Variants in STRIP1 observed in about 807,000 individuals in gnomAD.
The protein encoded by STRIP1 is striatin interacting protein 1.
In STRIP1, 63 loss-of-function variants were observed where a neutral mutation model predicts 106.2. The observed-to-expected ratio is 0.59, with a 90% CI of 0.48 to 0.73. The LOEUF is 0.73. STRIP1 is among the 30% of genes least tolerant of loss of function. The pLI, the probability that STRIP1 is intolerant of heterozygous loss-of-function variation, is 0.00. For synonymous variants in STRIP1, 390 were observed against 413.0 expected (o/e 0.94, Z 0.67); for missense variants, 857 against 1,074.8 (o/e 0.80, Z 2.83).
At chr1:110,034,947 A>C in intron 1 of STRIP1, 130 bp downstream of exon 1, 1 of 912,462 alleles carries the variant, frequency 1.1e-6, no homozygotes, top group Non-Finnish European at 1.5e-6. Flanking sequence ...AACTGTCACT[A>C]TACAGCGAAA....
At chr1:110,041,675 G>T (rs758259100) in intron 7 of STRIP1, 33 bp downstream of exon 7, 1 of 1,614,018 alleles carries the variant, frequency 6.2e-7, no homozygotes, top group East Asian at 2.2e-5. Context: ...TAGAGGCCCT[G>T]CCTGGAAGCT....
intron 18 of STRIP1, 125 bp downstream of exon 18, chr1:110,050,534 G>A (rs934234929): frequency 3.4e-6 from 3 of 884,994 alleles, no homozygotes; most frequent in African/African-American, 3.3e-5. Context: ...GGAGTGCCCG[G>A]CTTTTAAAGC....
At chr1:110,046,541 G>T in intron 12 of STRIP1, 139 bp from the exon 13 acceptor site, 1 of 714,552 alleles carries the variant, frequency 1.4e-6, no homozygotes, top group Non-Finnish European at 2.5e-6. Flanking sequence ...TGGGATTTTA[G>T]CTAGGGATTT....
At position 110,049,757 on chromosome 1, in the gene STRIP1, C is replaced by T. The variant is rs181512682; in HGVS notation, c.1889+197C>T. ...CAAATCTGAGTCTAGCTAGTCCTGC[C>T]CCAGGTGACTTGGTCTGTGCCTGGG... On this transcript the variant is annotated intron_variant, in intron 17 of 20. Transcript: ENST00000369795. 6.5e-4 allele frequency: 362 copies of T among 557,326 alleles called. 4 individuals are homozygous for T. The East Asian group carries it at 0.011, about 17-fold the overall frequency. 34.5% of individuals were successfully genotyped at this position (557,326 alleles called of 1,614,324 possible).
At chr1:110,049,259 C>T in intron 16 of STRIP1, 21 bp downstream of exon 16, 1 of 1,613,956 alleles carries the variant, frequency 6.2e-7, no homozygotes, top group South Asian at 1.1e-5. Context: ...GGCTTTCCCT[C>T]CTGTCCTGTG....
chr1:110,046,597 ATG>A (rs1570923995), intron 12 of STRIP1, 81 bp from the exon 13 acceptor site: 17 of 1,222,328 alleles, frequency 1.4e-5, no homozygotes, highest in Non-Finnish European at 2.1e-5. Flanking sequence ...TTGAAGACAA[ATG>A]TGTGGGGATT....
chr1:110,041,660 C>T lies in STRIP1; in HGVS notation c.757+18C>T, dbSNP rs1652767295. 6.2e-7 allele frequency: 1 copy of T among 1,614,164 alleles called. No individual in the cohort carries two copies. ...CGAGCTGGGTAGGACCCTGGGGATC[C>T]TCTCTAGAGGCCCTGCCTGGAAGCT... On this transcript the variant is annotated intron_variant, in intron 7 of 20. Transcript: ENST00000369795.
intron 1 of STRIP1, among the ~76,000 whole-genome samples, chr1:110,036,234 C>A (rs977491082): frequency 6.6e-6 from 1 of 152,206 alleles, no homozygotes; most frequent in Non-Finnish European, 1.5e-5. Flanking sequence ...GGGCGGATCA[C>A]CTGAGGTCAG....
chr1:110,041,615 A>C lies in STRIP1; in HGVS notation c.730A>C (p.Met244Leu). Residue 244 changes from methionine to leucine, a missense_variant, in exon 7 of 21, where the codon ATG (methionine) becomes CTG (leucine). This residue lies in a region of STRIP1 where 750 missense variants were observed against 989.8 expected (regional missense o/e 0.76). Coordinates refer to ENST00000369795, the MANE Select transcript of STRIP1 (RefSeq NM_033088.4). ...CEGDKAEWRT[M>L]RQTFRAELGS... ...GGGTGACAAGGCTGAGTGGAGGACC[A>C]TGCGGCAGACCTTCAGAGCCGAGCT... 1 of 1,614,138 alleles carries C rather than the reference A, an allele frequency of 6.2e-7. No individual in the cohort carries two copies. The highest frequency in any genetic ancestry group is 8.5e-7 in the Non-Finnish European group (1 of 1,180,028).
intron 12 of STRIP1, 73 bp downstream of exon 12, chr1:110,045,151 A>C: frequency 1.4e-6 from 2 of 1,401,984 alleles, no homozygotes; most frequent in Non-Finnish European, 2.0e-6. Context: ...TGTAGGGAGA[A>C]GCCTTTTAAG....
chr1:110,043,801 C>T lies in STRIP1; in HGVS notation c.1231C>T (p.Pro411Ser). ...DEVMPPPLQH[P>S]QTDRLTCPKG... ...AGTGATGCCTCCCCCGCTACAGCAC[C>T]CACAGACTGACAGGCTGACTTGCCC... The change falls in exon 10 of 21, where the codon CCA (proline) becomes TCA (serine). Residue 411 changes from proline (P) to serine (S), a missense_variant. Coordinates refer to ENST00000369795, the MANE Select transcript of STRIP1 (RefSeq NM_033088.4). 3.7e-6 allele frequency: 6 copies of T among 1,614,140 alleles called. No individual in the cohort carries two copies. Among genetic ancestry groups the T allele is most frequent in the Non-Finnish European group, 5.1e-6 (6 of 1,180,012 alleles).
chr1:110,044,799 A>G (rs1172880888), intron 10 of STRIP1, 41 bp from the exon 11 acceptor site: 1 of 1,604,342 alleles, frequency 6.2e-7, no homozygotes, highest in Non-Finnish European at 8.5e-7. Flanking sequence ...AGCATTTGCT[A>G]AAAACCTTTT....
intron 19 of STRIP1, among the ~76,000 whole-genome samples, chr1:110,051,412 T>C (rs191149936): frequency 6.6e-6 from 1 of 152,330 alleles, no homozygotes; most frequent in Non-Finnish European, 1.5e-5. Flanking sequence ...TGTGTACATG[T>C]ACACCGGAAT....
At position 110,040,649 on chromosome 1, in the gene STRIP1, G is replaced by A. The variant is rs760257728; in HGVS notation, c.596G>A (p.Cys199Tyr). 9.9e-6 allele frequency: 16 copies of A among 1,612,074 alleles called. No homozygotes were observed. Among genetic ancestry groups the A allele is most frequent in the African/African-American group, 1.3e-5 (1 of 74,878 alleles). Residue 199 changes from cysteine (C) to tyrosine (Y), a missense_variant, in exon 6 of 21, where the codon TGC (cysteine) becomes TAC (tyrosine). Cys to Tyr is a radical substitution (Grantham distance 194). This residue lies in a region of STRIP1 where 750 missense variants were observed against 989.8 expected (regional missense o/e 0.76). Coordinates refer to ENST00000369795, the MANE Select transcript of STRIP1 (RefSeq NM_033088.4). ...LNMEIDNSAA[C>Y]SSAVRKPAIS... ...ATCTCCTGCAGCAACAGTGCCGCCT[G>A]CAGCAGTGCTGTGAGGAAGCCTGCC...
intron 15 of STRIP1, 128 bp downstream of exon 15, chr1:110,047,997 A>C (rs1302111401): frequency 1.3e-5 from 10 of 749,098 alleles, no homozygotes; most frequent in Non-Finnish European, 2.2e-5. Context: ...TTTTTGACCC[A>C]AAAAAAGGAA....
chr1:110,043,313 G>A, intron 9 of STRIP1, 43 bp downstream of exon 9: 1 of 1,586,488 alleles, frequency 6.3e-7, no homozygotes, highest in Non-Finnish European at 8.6e-7. Context: ...GGGCCCTCAA[G>A]GTGCATGCTT....
At chr1:110,041,241 C>T (rs1411256431) in intron 6 of STRIP1, 3 of 245,052 alleles carry the variant, frequency 1.2e-5, no homozygotes, top group Non-Finnish European at 2.4e-5. Flanking sequence ...GTGTTAGGAT[C>T]CCTGGGCGTC....
At chr1:110,032,629 AG>A (rs1652248388), upstream of STRIP1, among the ~76,000 whole-genome samples, 1 of 152,150 alleles carries the variant, frequency 6.6e-6, no homozygotes, top group Non-Finnish European at 1.5e-5. Context: ...TATTTATGAA[AG>A]TGATACAGCC....
At chr1:110,041,203 A>G (rs538321958) in intron 6 of STRIP1, 1 of 199,168 alleles carries the variant, frequency 5.0e-6, no homozygotes, top group African/African-American at 2.3e-5. Context: ...AAGTTTTTAG[A>G]CTAGGTGGTT....
Sources: allele counts gnomAD v4.1 joint callset (sites outside exome capture counted in the v4.1 genomes callset), GRCh38; gene constraint gnomAD v4.1.1; regional missense constraint gnomAD v4.1.1; transcripts MANE v1.5; gene names NCBI Gene and HGNC (gene_info 2026-07-23, HGNC 2026-07-21).